PDE4B: variants seen among roughly 807,000 people sequenced by gnomAD.
PDE4B encodes 3',5'-cyclic-AMP phosphodiesterase 4B.
PDE4B carries 20 observed loss-of-function variants against 82.2 expected under a neutral mutation model. The ratio of observed to expected loss-of-function variants is 0.24; its 90% CI spans 0.17 to 0.35. The LOEUF (loss-of-function observed/expected upper bound fraction) is 0.35, where lower values mean the gene tolerates loss of function less well. Among genes scored for constraint, PDE4B ranks in the 10% least tolerant of loss-of-function variants. The probability of loss-of-function intolerance (pLI) is 1.00; values close to 1 mark genes in which losing one functional copy is unlikely to be tolerated. For synonymous variants in PDE4B, 320 were observed against 318.9 expected (o/e 1.00, Z -0.04); for missense variants, 655 against 907.2 (o/e 0.72, Z 3.57).
At chr1:66,327,482 A>G (rs867391891) in intron 7 of PDE4B, among the ~76,000 whole-genome samples, 3 of 152,144 alleles carry the variant, frequency 2.0e-5, no homozygotes, top group African/African-American at 4.8e-5. Context: ...GCAATTTTCT[A>G]TTTTTCTAAA....
At chr1:66,332,027 A>G in intron 7 of PDE4B, 2 of 1,048,772 alleles carry the variant, frequency 1.9e-6, no homozygotes, top group Non-Finnish European at 2.3e-6. Context: ...CCGAATTTTG[A>G]CTGTTTCATT....
chr1:66,279,270 T>G (rs1240800704), intron 7 of PDE4B, among the ~76,000 whole-genome samples: 2 of 152,200 alleles, frequency 1.3e-5, no homozygotes, highest in African/African-American at 4.8e-5. Flanking sequence ...GTCAGGTGTG[T>G]GTGCACTCCT....
chr1:66,173,537 A>G (rs1399287251), intron 3 of PDE4B, among the ~76,000 whole-genome samples: 3 of 152,230 alleles, frequency 2.0e-5, no homozygotes, highest in Non-Finnish European at 2.9e-5. Context: ...AGGTGGCCCA[A>G]TGGCTTGGAC....
intron 8 of PDE4B, among the ~76,000 whole-genome samples, chr1:66,344,959 G>A (rs1557715523): frequency 6.6e-6 from 1 of 152,188 alleles, no homozygotes; most frequent in Non-Finnish European, 1.5e-5. Context: ...TATTCTCTTT[G>A]AGTTATAGCT....
At chr1:66,067,375 G>A (rs191132652) in intron 3 of PDE4B, among the ~76,000 whole-genome samples, 5 of 152,078 alleles carry the variant, frequency 3.3e-5, no homozygotes, top group East Asian at 3.9e-4. Flanking sequence ...TTTAATGATC[G>A]CTATTCTAAC....
At chr1:66,142,119 G>A (rs1646184589) in intron 3 of PDE4B, among the ~76,000 whole-genome samples, 1 of 152,100 alleles carries the variant, frequency 6.6e-6, no homozygotes, top group East Asian at 1.9e-4. Context: ...TATTTATTAA[G>A]TGGAAAAGGG....
chr1:65,943,808 A>G (rs544455267), intron 3 of PDE4B, among the ~76,000 whole-genome samples: 1 of 152,144 alleles, frequency 6.6e-6, no homozygotes, highest in South Asian at 2.1e-4. Context: ...GTTAGTATAT[A>G]GAAATGCTAC....
intron 1 of PDE4B, among the ~76,000 whole-genome samples, chr1:65,825,331 G>A (rs927647503): frequency 1.3e-5 from 2 of 152,140 alleles, no homozygotes; most frequent in Non-Finnish European, 2.9e-5. Flanking sequence ...TGAGGTGGTG[G>A]AACACAAGGA....
intron 3 of PDE4B, among the ~76,000 whole-genome samples, chr1:66,090,621 A>ATG (rs146947689): frequency 0.5 from 61,162 of 122,796 alleles, 15,161 homozygotes; most frequent in Admixed American, 0.52. Context: ...TATATAATAT[A>ATG]TGTGTGTGTG....
chr1:66,289,680 G>GA (rs1253175034), intron 7 of PDE4B, among the ~76,000 whole-genome samples: 4 of 147,136 alleles, frequency 2.7e-5, no homozygotes, highest in African/African-American at 1.0e-4. Context: ...GGCAGCCACT[G>GA]AAAAAAATGG....
intron 3 of PDE4B, among the ~76,000 whole-genome samples, chr1:66,108,667 A>C (rs74422588): frequency 0.037 from 4,557 of 124,260 alleles, 244 homozygotes; most frequent in African/African-American, 0.13. Flanking sequence ...CAACAGGTTC[A>C]TGAAAAATGT....
At chr1:66,272,984 G>T (rs1194878613) in intron 7 of PDE4B, among the ~76,000 whole-genome samples, 2 of 151,626 alleles carry the variant, frequency 1.3e-5, no homozygotes, top group Non-Finnish European at 2.9e-5. Context: ...TAGAGACAGG[G>T]TTTCACCATG....
intron 7 of PDE4B, among the ~76,000 whole-genome samples, chr1:66,301,508 A>G (rs930849595): frequency 1.3e-5 from 2 of 152,064 alleles, no homozygotes; most frequent in Non-Finnish European, 1.5e-5. Flanking sequence ...CCTCAAGGCT[A>G]TAAGCAGGAA....
At chr1:65,972,446 C>T (rs542381262) in intron 3 of PDE4B, among the ~76,000 whole-genome samples, 21 of 152,068 alleles carry the variant, frequency 1.4e-4, no homozygotes, top group South Asian at 4.2e-4. Flanking sequence ...AATTTTTTCT[C>T]GGTATAACAT....
At chr1:66,110,336 A>G (rs1349517371) in intron 3 of PDE4B, among the ~76,000 whole-genome samples, 1 of 152,014 alleles carries the variant, frequency 6.6e-6, no homozygotes, top group Non-Finnish European at 1.5e-5. Context: ...CCTCTAATTT[A>G]GGCAGCTTTC....
intron 1 of PDE4B, among the ~76,000 whole-genome samples, chr1:65,887,412 C>CTTTTTT (rs1285765740): frequency 2.9e-4 from 2 of 6,922 alleles, no homozygotes; most frequent in African/African-American, 8.7e-4. Context: ...TCTTTTTCTT[C>CTTTTTT]TGTTTTTTTT....
At chr1:66,362,646 G>A (rs1662873079) in intron 10 of PDE4B, among the ~76,000 whole-genome samples, 2 of 152,264 alleles carry the variant, frequency 1.3e-5, no homozygotes, top group African/African-American at 4.8e-5. Flanking sequence ...AGGAGCCCTA[G>A]GATGTAATTC....
rs75101323 is a variant in PDE4B at position 65,797,250 on chromosome 1, G to A, written c.-71+4002G>A. On this transcript the variant is annotated intron_variant, in intron 1 of 16. Transcript: ENST00000341517. ...ATTACAGGTGTGAGCCACTGCGCCC[G>A]GCCAACATTTTTAGAATAAATGCTT... Among the ~76,000 whole-genome samples the A allele has an allele frequency of 2.9e-3, 443 of 152,194 alleles. 1 individual carries two copies. Among genetic ancestry groups the A allele is most frequent in the African/African-American group, 0.01 (421 of 41,534 alleles).
At chr1:66,351,444 G>A (rs889177162) in intron 8 of PDE4B, among the ~76,000 whole-genome samples, 2 of 152,220 alleles carry the variant, frequency 1.3e-5, no homozygotes, top group African/African-American at 4.8e-5. Flanking sequence ...GAGTCTGGAT[G>A]AAACGTGTAA....
Sources: gnomAD v4.1 joint callset for allele counts (sites outside exome capture counted in the v4.1 genomes callset) on GRCh38, gnomAD v4.1.1 for gene constraint, MANE v1.5 for transcripts, NCBI Gene and HGNC (gene_info 2026-07-23, HGNC 2026-07-21) for gene names.